Variants in ADAMTS3 observed in about 807,000 individuals in gnomAD.
The protein encoded by ADAMTS3 is A disintegrin and metalloproteinase with thrombospondin motifs 3.
A neutral mutation model predicts 129.0 loss-of-function variants in ADAMTS3; 73 were observed. The ratio of observed to expected loss-of-function variants is 0.57; its 90% CI spans 0.47 to 0.69. The LOEUF (loss-of-function observed/expected upper bound fraction) is 0.69. Among genes scored for constraint, ADAMTS3 ranks in the 30% least tolerant of loss-of-function variants. The pLI is 0.00. For synonymous variants in ADAMTS3, 477 were observed against 510.8 expected, an observed-to-expected ratio of 0.93 and a Z score of 0.89; for missense variants, 1,457 against 1,514.5, an observed-to-expected ratio of 0.96 and a Z score of 0.63.
At chr4:72,401,378 C>A (rs1188301468) in intron 4 of ADAMTS3, among the ~76,000 whole-genome samples, 15 of 151,344 alleles carry the variant, frequency 9.9e-5, no homozygotes, top group Admixed American at 9.9e-4. Flanking sequence ...ACCAGCCTGG[C>A]CAACACAGTG....
intron 4 of ADAMTS3, among the ~76,000 whole-genome samples, chr4:72,411,638 C>T (rs1053320015): frequency 2.6e-5 from 4 of 152,084 alleles, no homozygotes; most frequent in Non-Finnish European, 2.9e-5. Flanking sequence ...GCCTCTGGGA[C>T]ATGAATATGA....
chr4:72,565,629 G>C (rs535006128), intron 2 of ADAMTS3, among the ~76,000 whole-genome samples: 1 of 152,168 alleles, frequency 6.6e-6, no homozygotes, highest in Non-Finnish European at 1.5e-5. Context: ...TAATAAAAGA[G>C]AGAAATCCCA....
chr4:72,530,055 TAA>T (rs1720951530), intron 3 of ADAMTS3, among the ~76,000 whole-genome samples: 1 of 3,612 alleles, frequency 2.8e-4, no homozygotes, highest in African/African-American at 1.8e-3. Context: ...TATTTATATA[TAA>T]TATGTTATAT....
intron 3 of ADAMTS3, among the ~76,000 whole-genome samples, chr4:72,505,236 T>G (rs149235500): frequency 6.6e-6 from 1 of 152,274 alleles, no homozygotes; most frequent in Non-Finnish European, 1.5e-5. Flanking sequence ...TTTTTTCTTT[T>G]TCTCTATAAT....
At chr4:72,462,680 G>A (rs1194730937) in intron 3 of ADAMTS3, among the ~76,000 whole-genome samples, 5 of 151,706 alleles carry the variant, frequency 3.3e-5, no homozygotes, top group East Asian at 1.9e-4. Context: ...GTGTATGTTC[G>A]TGTTTTAGTT....
Position 72,543,542 on chromosome 4 carries a change from A to C in ADAMTS3, c.504+4936T>G, listed in dbSNP as rs2109781837. Among the ~76,000 whole-genome samples, 2 of 152,304 alleles carry C rather than the reference A, an allele frequency of 1.3e-5. 1 individual carries two copies. The highest frequency in any genetic ancestry group is 4.1e-4 in the South Asian group (2 of 4,832). On this transcript the variant is annotated intron_variant, in intron 3 of 21. Coordinates refer to ENST00000286657, the MANE Select transcript of ADAMTS3 (RefSeq NM_014243.3). The stretch of plus-strand genomic sequence containing the variant: ...GGGATATTATACAGCCTTACAAAGT[A>C]AGGAAGTTCTGACATATGCTTCAAA...
intron 3 of ADAMTS3, among the ~76,000 whole-genome samples, chr4:72,456,794 A>G (rs892051217): frequency 1.3e-5 from 2 of 151,354 alleles, no homozygotes; most frequent in African/African-American, 4.8e-5. Context: ...CATTCTTTAC[A>G]TTTGTGTGTT....
chr4:72,452,198 C>T (rs1718425112), intron 3 of ADAMTS3, among the ~76,000 whole-genome samples: 1 of 149,800 alleles, frequency 6.7e-6, no homozygotes, highest in Admixed American at 6.6e-5. Flanking sequence ...AAAGCTTATG[C>T]TTTACTAGAA....
At chr4:72,415,058 A>G (rs367630786) in intron 3 of ADAMTS3, 87 bp from the exon 4 acceptor site, 2 of 1,039,550 alleles carry the variant, frequency 1.9e-6, no homozygotes, top group African/African-American at 1.6e-5. Flanking sequence ...TGTCAAGAAT[A>G]TGACTTGTGA....
Position 72,312,075 on chromosome 4 carries a change from T to C in ADAMTS3, c.1921+216A>G, listed in dbSNP as rs148130052. On this transcript the variant is annotated intron_variant, in intron 13 of 21. Coordinates refer to ENST00000286657, the MANE Select transcript of ADAMTS3 (RefSeq NM_014243.3). ...CTGGTCTTTTCACCGCTGATGGTGA[T>C]AGTGCTGCTTGCCAGGAACTATTGC... is the stretch of plus-strand genomic sequence containing the variant. 36 of 492,838 alleles carry C rather than the reference T, an allele frequency of 7.3e-5. No individual in the cohort carries two copies. The East Asian group carries it at 1.0e-3, about 14-fold the overall frequency. The allele number at this position is 492,838 out of a possible 1,614,324, so 30.5% of individuals were successfully genotyped here.
chr4:72,404,553 C>T (rs1472060614), intron 4 of ADAMTS3, among the ~76,000 whole-genome samples: 1 of 151,878 alleles, frequency 6.6e-6, no homozygotes, highest in African/African-American at 2.4e-5. Flanking sequence ...CTATAAAACT[C>T]CTAGGAGAAA....
chr4:72,533,209 T>A (rs964091437), intron 3 of ADAMTS3, among the ~76,000 whole-genome samples: 2 of 152,166 alleles, frequency 1.3e-5, no homozygotes, highest in African/African-American at 2.4e-5. Context: ...ATTAAAAAAA[T>A]TGTTTTTGGT....
intron 3 of ADAMTS3, chr4:72,442,347 C>T (rs1718139778): frequency 6.6e-6 from 1 of 151,734 alleles, no homozygotes; most frequent in Admixed American, 6.6e-5. Flanking sequence ...TTCTGCAGGC[C>T]ATACAAGAAG....
chr4:72,452,006 T>C (rs1718420474), intron 3 of ADAMTS3, among the ~76,000 whole-genome samples: 1 of 151,756 alleles, frequency 6.6e-6, no homozygotes, highest in Non-Finnish European at 1.5e-5. Context: ...GGGAGGATGC[T>C]TGAGCACAGG....
At chr4:72,299,677 G>A (rs1420167027) in intron 17 of ADAMTS3, among the ~76,000 whole-genome samples, 1 of 152,076 alleles carries the variant, frequency 6.6e-6, no homozygotes, top group Non-Finnish European at 1.5e-5. Context: ...TTATTAATTG[G>A]ATGGGAAAAA....
At chr4:72,370,263 C>T (rs949055344) in intron 4 of ADAMTS3, among the ~76,000 whole-genome samples, 12 of 152,156 alleles carry the variant, frequency 7.9e-5, no homozygotes, top group Non-Finnish European at 1.5e-4. Flanking sequence ...GGTGCCCAGG[C>T]TGTTGCTTCC....
rs368140781 is a variant in ADAMTS3 at position 72,299,239 on chromosome 4, G to C, written c.2425-797C>G. ...AGGGGTCAGAGGGAATGGAAGGAGG[G>C]CTGAATGATGGGAACTTGCTTGGTG... On this transcript the variant is annotated intron_variant, in intron 17 of 21. Transcript: ENST00000286657. Among the ~76,000 whole-genome samples, 13 of 152,090 alleles carry C rather than the reference G, an allele frequency of 8.5e-5. No homozygotes were observed. The East Asian group carries it at 2.5e-3, about 29-fold the overall frequency.
chr4:72,471,046 A>C (rs935618499), intron 3 of ADAMTS3, among the ~76,000 whole-genome samples: 1 of 152,138 alleles, frequency 6.6e-6, no homozygotes, highest in Non-Finnish European at 1.5e-5. Context: ...TTCATGGAAC[A>C]CCATTTTTAC....
intron 4 of ADAMTS3, among the ~76,000 whole-genome samples, chr4:72,349,611 A>G (rs930568056): frequency 2.6e-5 from 4 of 151,958 alleles, no homozygotes; most frequent in Non-Finnish European, 5.9e-5. Flanking sequence ...ATTTTTTTTC[A>G]GATTTTATAA....
Sources: gnomAD v4.1 joint callset for allele counts (sites outside exome capture counted in the v4.1 genomes callset) on GRCh38, gnomAD v4.1.1 for gene constraint, MANE v1.5 for transcripts, NCBI Gene and HGNC (gene_info 2026-07-23, HGNC 2026-07-21) for gene names.